WWC2: variants seen among roughly 807,000 people sequenced by gnomAD.
WWC2 encodes WW and C2 domain containing 2.
A neutral mutation model predicts 138.5 loss-of-function variants in WWC2; 101 were observed. The observed-to-expected ratio is 0.73, with a 90% CI of 0.62 to 0.86. The LOEUF is 0.86. Among genes scored for constraint, WWC2 ranks in the 40% least tolerant of loss-of-function variants. The pLI, the probability that WWC2 is intolerant of heterozygous loss-of-function variation, is 0.00. For missense variants in WWC2, 1,420 were observed against 1,419.4 expected, an observed-to-expected ratio of 1.00 and a Z score of -0.01; for synonymous variants, 558 against 538.4, an observed-to-expected ratio of 1.04 and a Z score of -0.50.
At chr4:183,303,946 C>T (rs1738946033) in intron 21 of WWC2, among the ~76,000 whole-genome samples, 1 of 151,356 alleles carries the variant, frequency 6.6e-6, no homozygotes, top group Non-Finnish European at 1.5e-5. Flanking sequence ...GAGTGAACAT[C>T]GCAGCCTAGA....
intron 1 of WWC2, 78 bp downstream of exon 1, chr4:183,099,700 T>C: frequency 8.7e-7 from 1 of 1,153,870 alleles, no homozygotes; most frequent in Non-Finnish European, 1.1e-6. Context: ...CGCGGGGGGC[T>C]GGGGCGGCGC....
intron 4 of WWC2, among the ~76,000 whole-genome samples, chr4:183,233,107 C>A (rs1297970663): frequency 7.2e-6 from 1 of 139,444 alleles, no homozygotes; most frequent in Non-Finnish European, 1.5e-5. Flanking sequence ...ATTGTTGGCT[C>A]ATGTGGTAAT....
At chr4:183,307,257 A>T (rs1739051847) in intron 21 of WWC2, among the ~76,000 whole-genome samples, 1 of 152,256 alleles carries the variant, frequency 6.6e-6, no homozygotes, top group African/African-American at 2.4e-5. Context: ...GAGAAATCTT[A>T]AGAAAAATTA....
intron 14 of WWC2, among the ~76,000 whole-genome samples, chr4:183,267,869 C>T (rs905072596): frequency 6.6e-6 from 1 of 152,228 alleles, no homozygotes; most frequent in Non-Finnish European, 1.5e-5. Flanking sequence ...CACTGCTAAA[C>T]ATGACAGCTA....
chr4:183,319,381 G>A lies in WWC2; in HGVS notation c.*3652G>A, dbSNP rs1739555946. On this transcript the variant is annotated 3_prime_UTR_variant, in exon 23 of 23. Coordinates refer to ENST00000403733, the MANE Select transcript of WWC2 (RefSeq NM_024949.6). Reference sequence around the variant, plus strand: ...TCAGTCTTGATTGATTTTGGTCTCAGACTAGAAGATAAAAATGGTTTACCA... The same window carrying A: ...TCAGTCTTGATTGATTTTGGTCTCAAACTAGAAGATAAAAATGGTTTACCA... 1 of 710,728 alleles carries A rather than the reference G, an allele frequency of 1.4e-6. No homozygotes were observed. The highest frequency in any genetic ancestry group is 2.6e-5 in the East Asian group (1 of 39,208). The allele number at this position is 710,728 out of a possible 1,614,324, so 44.0% of individuals were successfully genotyped here. A position where few individuals can be genotyped will look rare whatever the true frequency, so the allele number is the denominator to read the frequency against.
At chr4:183,262,093 G>C (rs952883979) in intron 11 of WWC2, among the ~76,000 whole-genome samples, 1 of 152,206 alleles carries the variant, frequency 6.6e-6, no homozygotes, top group Non-Finnish European at 1.5e-5. Context: ...GCAGCCCCGG[G>C]AAGGGATTAC....
In WWC2 at chr4:183,193,586, T is replaced by C. The variant is rs1257879595; in HGVS notation, c.132-13T>C. 6.2e-7 allele frequency: 1 copy of C among 1,612,894 alleles called. No individual in the cohort carries two copies. The highest frequency in any genetic ancestry group is 8.5e-7 in the Non-Finnish European group (1 of 1,179,130). On this transcript the variant is annotated splice_polypyrimidine_tract_variant and intron_variant, in intron 1 of 22. Transcript: ENST00000403733. ...GAAAGAATCACTGGTGTGTCAATTC[T>C]GGTTTGTTGTAGGTTAACGAAGCCC...
At position 183,212,962 on chromosome 4, in the gene WWC2, C is replaced by A. The variant is rs79026449; in HGVS notation, c.522+3937C>A. On this transcript the variant is annotated intron_variant, in intron 4 of 22. Transcript: ENST00000403733. Reference sequence around the variant, plus strand: ...ACCACAAAGATGAGTCGGAGAGAGACGCCCTCTTCAAGAAGGTGCTTCCCT... The same window carrying A: ...ACCACAAAGATGAGTCGGAGAGAGAAGCCCTCTTCAAGAAGGTGCTTCCCT... Among the ~76,000 whole-genome samples, 590 of 152,192 alleles carry A rather than the reference C, an allele frequency of 3.9e-3. 3 individuals carry two copies. Among genetic ancestry groups the A allele is most frequent in the African/African-American group, 0.014 (566 of 41,518 alleles).
intron 2 of WWC2, among the ~76,000 whole-genome samples, chr4:183,204,200 G>A (rs1735382090): frequency 6.6e-6 from 1 of 152,140 alleles, no homozygotes. Context: ...AGTTCTTTCT[G>A]TCTTCTTCAC....
At chr4:183,307,398 C>T (rs531620285) in intron 21 of WWC2, among the ~76,000 whole-genome samples, 28 of 152,340 alleles carry the variant, frequency 1.8e-4, no homozygotes, top group African/African-American at 6.7e-4. Flanking sequence ...CAACTCTCTG[C>T]AATCTCTTTT....
At position 183,208,018 on chromosome 4, in the gene WWC2, T is replaced by C; in HGVS notation, c.307T>C (p.Tyr103His). The C allele has an allele frequency of 6.2e-7, 1 of 1,613,782 alleles. No homozygotes were observed. The highest frequency in any genetic ancestry group is 8.5e-7 in the Non-Finnish European group (1 of 1,179,794). The change falls in exon 3 of 23, where the codon TAC (tyrosine) becomes CAC (histidine). Residue 103 changes from tyrosine (Y) to histidine (H), a missense_variant. By Grantham distance (83) the Tyr-to-His change is moderately conservative (BLOSUM62 2). Transcript: ENST00000403733. ...GGAACAGGAGAAGATGCTCAAGGAC[T>C]ACCTCTCTGTGGCACAGGATGCCCT... ...RGEQEKMLKD[Y>H]LSVAQDALRT...
At chr4:183,178,612 G>C (rs1734533347) in intron 1 of WWC2, among the ~76,000 whole-genome samples, 1 of 151,436 alleles carries the variant, frequency 6.6e-6, no homozygotes, top group Non-Finnish European at 1.5e-5. Flanking sequence ...AAAATCAGAG[G>C]ATGGAACTGA....
At chr4:183,310,384 C>T (rs1276975835) in intron 21 of WWC2, among the ~76,000 whole-genome samples, 1 of 152,080 alleles carries the variant, frequency 6.6e-6, no homozygotes, top group Non-Finnish European at 1.5e-5. Flanking sequence ...CTGTGTTTTT[C>T]AGTGTTATGT....
At chr4:183,121,091 A>G (rs575599692) in intron 1 of WWC2, among the ~76,000 whole-genome samples, 7 of 152,128 alleles carry the variant, frequency 4.6e-5, no homozygotes, top group African/African-American at 1.7e-4. Context: ...GGCGGTGCGC[A>G]CCTGTAGTCC....
At chr4:183,265,542 A>C in intron 12 of WWC2, 146 bp from the exon 13 acceptor site, 1 of 836,638 alleles carries the variant, frequency 1.2e-6, no homozygotes, top group Non-Finnish European at 1.9e-6. Context: ...TGAAACAGTA[A>C]GCTTTCGCTG....
At chr4:183,164,570 A>G (rs73872938) in intron 1 of WWC2, among the ~76,000 whole-genome samples, 3,646 of 151,984 alleles carry the variant, frequency 0.024, 152 homozygotes, top group African/African-American at 0.084. Context: ...AGCTCTTTAG[A>G]CAGTTCACAC....
chr4:183,111,350 T>C (rs968894145), intron 1 of WWC2, among the ~76,000 whole-genome samples: 14 of 152,222 alleles, frequency 9.2e-5, no homozygotes, highest in African/African-American at 3.4e-4. Flanking sequence ...GGCAGTGATA[T>C]TCAGTTAAGT....
At chr4:183,226,095 C>CTTTTTTTTT (rs11321151) in intron 4 of WWC2, among the ~76,000 whole-genome samples, 5 of 113,506 alleles carry the variant, frequency 4.4e-5, no homozygotes, top group Non-Finnish European at 5.1e-5. Context: ...CTTTTCTTTT[C>CTTTTTTTTT]TTTTTTTTTT....
At chr4:183,252,698 C>G (rs1222018236) in intron 8 of WWC2, among the ~76,000 whole-genome samples, 3 of 152,164 alleles carry the variant, frequency 2.0e-5, no homozygotes, top group Admixed American at 6.5e-5. Context: ...ACAGAGCAAC[C>G]ACAGGGCTAG....
Sources: gnomAD v4.1 joint callset for allele counts (sites outside exome capture counted in the v4.1 genomes callset) on GRCh38, gnomAD v4.1.1 for gene constraint, MANE v1.5 for transcripts, NCBI Gene and HGNC (gene_info 2026-07-23, HGNC 2026-07-21) for gene names.